Variants in KLK14 observed in about 807,000 individuals in gnomAD.
KLK14 encodes the protein kallikrein related peptidase 14.
KLK14 carries 21 observed loss-of-function variants against 24.6 expected under a neutral mutation model. The ratio of observed to expected loss-of-function variants is 0.85; its 90% CI spans 0.61 to 1.23. KLK14 has a LOEUF of 1.23. KLK14 is among the 50% of genes most tolerant of loss of function. The pLI is 0.00. For missense variants in KLK14, 320 were observed against 338.9 expected (o/e 0.94, Z 0.44); for synonymous variants, 133 against 139.7 (o/e 0.95, Z 0.34).
chr19:51,082,037 C>T (rs546115132), intron 2 of KLK14, among the ~76,000 whole-genome samples: 2 of 151,996 alleles, frequency 1.3e-5, no homozygotes, highest in South Asian at 4.2e-4. Context: ...GCCACATTTC[C>T]CCCCAATGAG....
At chr19:51,083,516 G>GA (rs2091853895), upstream of KLK14, among the ~76,000 whole-genome samples, 2 of 151,924 alleles carry the variant, frequency 1.3e-5, no homozygotes, top group Admixed American at 6.6e-5. Context: ...GAGAGACTGG[G>GA]AAAATGAATG....
In KLK14 at chr19:51,078,196, C is replaced by T. The variant is rs765719105; in HGVS notation, c.604-37G>A. 3 of 1,603,906 alleles carry T rather than the reference C, an allele frequency of 1.9e-6. No individual in the cohort carries two copies. The highest frequency in any genetic ancestry group is 2.6e-6 in the Non-Finnish European group (3 of 1,175,328). On this transcript the variant is annotated intron_variant, in intron 5 of 5. Coordinates refer to ENST00000650543, the MANE Select transcript of KLK14 (RefSeq NM_001369775.2). This position sits in a 1 kb window ranked among gnomAD's most constrained non-coding sequence, Gnocchi z 5.0. ...GAACAGAAATGGAGACACTGATGGACAGGTAGCCAGAGCCACCATGGCACA... is the reference window on the plus strand; with the variant it reads ...GAACAGAAATGGAGACACTGATGGATAGGTAGCCAGAGCCACCATGGCACA...
Position 51,078,100 on chromosome 19 carries a change from T to C in KLK14, c.663A>G (p.Gly221=). 1.2e-6 allele frequency: 2 copies of C among 1,613,900 alleles called. No individual in the cohort carries two copies. Among genetic ancestry groups the C allele is most frequent in the African/African-American group, 2.7e-5 (2 of 75,000 alleles). The change falls in exon 6 of 6, where the codon GGA becomes GGG. Residue 221 remains glycine (G), a synonymous_variant. Coordinates refer to ENST00000650543, the MANE Select transcript of KLK14 (RefSeq NM_001369775.2). The surrounding 1 kb of genome is among the most constrained non-coding windows in gnomAD (Gnocchi z 5.0). ...AGCCAGGCAGGGCGCAGCGCTCCAT[T>C]CCCCAAGACACGAGGCCCTGGAGCT... ...RGQLQGLVSW[G]MERCALPGYP...
In KLK14 at chr19:51,082,558, C is replaced by G; in HGVS notation, c.40+17G>C. ...CTCCAGGGGACCCCCTTGTGTCATA[C>G]CCAACCGTTCTCTTACCTATAGCCA... On this transcript the variant is annotated intron_variant, in intron 2 of 5. Transcript: ENST00000650543. 6.2e-7 allele frequency: 1 copy of G among 1,613,244 alleles called. No homozygotes were observed. The highest frequency in any genetic ancestry group is 1.3e-5 in the African/African-American group (1 of 75,010).
intron 2 of KLK14, among the ~76,000 whole-genome samples, chr19:51,082,152 A>C (rs1599798713): frequency 1.4e-5 from 2 of 144,506 alleles, no homozygotes; most frequent in Admixed American, 6.9e-5. Flanking sequence ...GCCCCCATCC[A>C]CCTCACACAC....
At chr19:51,083,943 G>A (rs1327065440), upstream of KLK14, among the ~76,000 whole-genome samples, 1 of 152,120 alleles carries the variant, frequency 6.6e-6, no homozygotes, top group Admixed American at 6.6e-5. Flanking sequence ...GGAGAAAGAG[G>A]ATGGGACAGG....
At chr19:51,082,517 C>T in intron 2 of KLK14, 58 bp downstream of exon 2, 1 of 1,556,060 alleles carries the variant, frequency 6.4e-7, no homozygotes, top group East Asian at 2.2e-5. Flanking sequence ...GACCCATCCC[C>T]ATCTCTTCTC....
At chr19:51,083,893 C>T (rs964133187), upstream of KLK14, among the ~76,000 whole-genome samples, 17 of 152,022 alleles carry the variant, frequency 1.1e-4, no homozygotes, top group Non-Finnish European at 1.2e-4. Flanking sequence ...ATGATGAAGG[C>T]AGTGCGGGCA....
At chr19:51,082,171 C>T (rs1293546079) in intron 2 of KLK14, among the ~76,000 whole-genome samples, 2 of 151,816 alleles carry the variant, frequency 1.3e-5, no homozygotes, top group Non-Finnish European at 1.5e-5. Flanking sequence ...ACCCATGCCA[C>T]GATCCCGCCA....
chr19:51,079,499 G>T lies in KLK14; in HGVS notation c.416C>A (p.Pro139His), dbSNP rs2091825578. ...GCCTGACACTCGGCAGGAGGTCCCG[G>T]GGCTGGCACAGGCCTGGGTGACCTC... ...PIEVTQACASPGTSCRVSGWG... is the reference protein window; with the variant it reads ...PIEVTQACASHGTSCRVSGWG... The change falls in exon 4 of 6, where the codon CCC (proline) becomes CAC (histidine). Residue 139 changes from proline to histidine, a missense_variant. Physicochemically the swap from Pro to His is moderately conservative, Grantham distance 77. Coordinates refer to ENST00000650543, the MANE Select transcript of KLK14 (RefSeq NM_001369775.2). The T allele has an allele frequency of 6.2e-7, 1 of 1,613,614 alleles. No homozygotes were observed. Among genetic ancestry groups the T allele is most frequent in the African/African-American group, 1.3e-5 (1 of 74,930 alleles).
intron 3 of KLK14, among the ~76,000 whole-genome samples, chr19:51,079,919 G>T (rs2091829657): frequency 6.6e-6 from 1 of 152,208 alleles, no homozygotes; most frequent in South Asian, 2.1e-4. Flanking sequence ...CCGCTCTTGG[G>T]CTGGGCTCCA....
upstream of KLK14, chr19:51,082,996 C>T: frequency 1.7e-6 from 1 of 576,542 alleles, no homozygotes; most frequent in South Asian, 2.1e-5. Context: ...TGCCTAGTTC[C>T]CATTCCAGGA....
chr19:51,078,024 T>C lies in KLK14; in HGVS notation c.739A>G (p.Thr247Ala), dbSNP rs754050419. Residue 247 changes from threonine (T) to alanine (A), a missense_variant, in exon 6 of 6, where the codon ACG becomes GCG. Thr to Ala is a moderately conservative substitution (Grantham distance 58, BLOSUM62 0). Transcript: ENST00000650543. This position sits in a 1 kb window ranked among gnomAD's most constrained non-coding sequence, Gnocchi z 5.0. ...GAAGACCATCATTTGTCCCGCATCG[T>C]TTCCTCAATCCAGCTTCTGTACTTG... ...LCKYRSWIEE[T>A]MRDK is the part of the protein sequence containing the mutation. The C allele has an allele frequency of 1.9e-6, 3 of 1,613,812 alleles. No homozygotes were observed. In the South Asian group the frequency reaches 3.3e-5, roughly 18 times the overall value.
rs561732922 is a variant in KLK14 at position 51,081,440 on chromosome 19, G to T, written c.212+92C>A. 10 of 1,236,306 alleles carry T rather than the reference G, an allele frequency of 8.1e-6. No homozygotes were observed. The East Asian group carries it at 2.1e-4, about 25-fold the overall frequency. 76.6% of individuals were successfully genotyped at this position (1,236,306 alleles called of 1,614,324 possible). On this transcript the variant is annotated intron_variant, in intron 3 of 5. Transcript: ENST00000650543. ...AACCAGGAGCCAGCCACTACATTGGGTTCTATACAGAGATCCAGGTTCTCA... is the reference window on the plus strand; with the variant it reads ...AACCAGGAGCCAGCCACTACATTGGTTTCTATACAGAGATCCAGGTTCTCA...
At chr19:51,079,363 G>C in intron 4 of KLK14, 86 bp downstream of exon 4, 1 of 1,373,322 alleles carries the variant, frequency 7.3e-7, no homozygotes. Context: ...CTCAGACCCA[G>C]GAGCCCCAGT....
intron 4 of KLK14, 135 bp downstream of exon 4, chr19:51,079,314 C>A: frequency 1.1e-6 from 1 of 936,042 alleles, no homozygotes; most frequent in East Asian, 2.6e-5. Flanking sequence ...CAGCCCCCTC[C>A]TCCCTCAGAC....
upstream of KLK14, among the ~76,000 whole-genome samples, chr19:51,083,349 C>A (rs2091852806): frequency 7.9e-6 from 1 of 127,082 alleles, no homozygotes; most frequent in Non-Finnish European, 1.6e-5. Context: ...CAGAGAGACA[C>A]ACAGACAGAG....
rs753748113 is a variant in KLK14 at position 51,078,969 on chromosome 19, G to A, written c.467-18C>T. On this transcript the variant is annotated intron_variant, in intron 4 of 5. Coordinates refer to ENST00000650543, the MANE Select transcript of KLK14 (RefSeq NM_001369775.2). The surrounding 1 kb of genome is among the most constrained non-coding windows in gnomAD (Gnocchi z 5.0). ...GTACCTGGCTGGGGGACACTGCAGG[G>A]TTATAACTGGGTCTACCCTCCCATA... 8 of 1,612,278 alleles carry A rather than the reference G, an allele frequency of 5.0e-6. No individual in the cohort carries two copies. In the South Asian group the frequency reaches 6.6e-5, roughly 13 times the overall value.
At position 51,080,984 on chromosome 19, in the gene KLK14, T is replaced by G. The variant is rs150620121; in HGVS notation, c.212+548A>C. On this transcript the variant is annotated intron_variant, in intron 3 of 5. Transcript: ENST00000650543. ...CACCGCACCCGCCACATTCTGGGATTCAAACACTGGGTTGAAGTCTGCTCA... is the reference window on the plus strand; with the variant it reads ...CACCGCACCCGCCACATTCTGGGATGCAAACACTGGGTTGAAGTCTGCTCA... 3.6e-3 allele frequency among the ~76,000 whole-genome samples: 544 copies of G among 152,380 alleles called. 4 individuals carry two copies. The highest frequency in any genetic ancestry group is 0.012 in the African/African-American group (488 of 41,594).
Sources: gnomAD v4.1 joint callset for allele counts (sites outside exome capture counted in the v4.1 genomes callset) on GRCh38, gnomAD v4.1.1 for gene constraint, Gnocchi (gnomAD v3.1) non-coding constraint, MANE v1.5 for transcripts, NCBI Gene and HGNC (gene_info 2026-07-23, HGNC 2026-07-21) for gene names.